RNF125: variants seen among roughly 807,000 people sequenced by gnomAD.
The protein encoded by RNF125 is ring finger protein 125.
Under a neutral mutation model 26.0 loss-of-function variants are expected in RNF125, and 21 were observed. That is an observed-to-expected ratio of 0.81 (90% CI 0.57 to 1.16). The LOEUF (loss-of-function observed/expected upper bound fraction) is 1.16. Ranked by LOEUF, RNF125 falls within the 50% of genes most tolerant of loss-of-function variation. The pLI is 0.00. For synonymous variants in RNF125, 95 were observed against 109.2 expected (o/e 0.87, Z 0.81); for missense variants, 270 against 299.4 (o/e 0.90, Z 0.72).
intron 1 of RNF125, among the ~76,000 whole-genome samples, chr18:32,030,827 C>T (rs1404372726): frequency 1.3e-5 from 2 of 152,162 alleles, no homozygotes; most frequent in Non-Finnish European, 2.9e-5. Context: ...AAGAAGTTGG[C>T]AGAGTGGGAA....
the RNF125 span, among the ~76,000 whole-genome samples, chr18:32,079,057 CT>C: frequency 7.9e-5 from 12 of 152,076 alleles, no homozygotes; most frequent in Non-Finnish European, 1.5e-5. Flanking sequence ...TGGGGAGTTC[CT>C]TGAGGGCAAA....
chr18:32,050,237 C>T (rs1233234084), intron 4 of RNF125, among the ~76,000 whole-genome samples: 1 of 152,172 alleles, frequency 6.6e-6, no homozygotes, highest in Admixed American at 6.5e-5. Context: ...TTAAAAACAT[C>T]AGGGGATTTT....
chr18:32,055,859 A>G (rs2039375746), intron 4 of RNF125, among the ~76,000 whole-genome samples: 1 of 151,478 alleles, frequency 6.6e-6, no homozygotes, highest in African/African-American at 2.4e-5. Context: ...CATGCCTGTA[A>G]TCCCAGCTTC....
In RNF125 at chr18:32,069,328, T is replaced by C. The variant is rs1044945615; in HGVS notation, c.*944T>C. 6.6e-6 allele frequency: 1 copy of C among 152,158 alleles called. No homozygotes were observed. The highest frequency in any genetic ancestry group is 1.5e-5 in the Non-Finnish European group (1 of 68,042). The allele number at this position is 152,158 out of a possible 1,614,324, so 9.4% of individuals were successfully genotyped here. A position where few individuals can be genotyped will look rare whatever the true frequency, so the allele number is the denominator to read the frequency against. ...TATAACTGCATACATAAGAATTCAA[T>C]ATTTTTCAAATATTTATAGCTTATT... On this transcript the variant is annotated 3_prime_UTR_variant, in exon 6 of 6. Transcript: ENST00000217740.
At chr18:32,074,020 T>C (rs573795021), downstream of RNF125, among the ~76,000 whole-genome samples, 189 of 152,318 alleles carry the variant, frequency 1.2e-3, 1 homozygote, top group African/African-American at 4.4e-3. Flanking sequence ...AAAATAGCCA[T>C]GTAAGAAGCC....
At chr18:32,025,057 C>T (rs371361429) in intron 1 of RNF125, among the ~76,000 whole-genome samples, 3 of 151,714 alleles carry the variant, frequency 2.0e-5, no homozygotes, top group East Asian at 3.9e-4. Context: ...GATTGAGAGT[C>T]GTTCTCAAAA....
intron 5 of RNF125, among the ~76,000 whole-genome samples, chr18:32,067,700 T>G (rs1199086448): frequency 6.6e-6 from 1 of 151,948 alleles, no homozygotes; most frequent in Non-Finnish European, 1.5e-5. Flanking sequence ...TTTGTGGGGG[T>G]TTTTTTGTTT....
chr18:32,048,066 T>G (rs1183763890), intron 4 of RNF125, among the ~76,000 whole-genome samples: 1 of 151,342 alleles, frequency 6.6e-6, no homozygotes, highest in East Asian at 1.9e-4. Context: ...AGGACGGAGG[T>G]TGAAGTGAAC....
At chr18:32,060,016 C>T (rs1462384737) in intron 4 of RNF125, among the ~76,000 whole-genome samples, 6 of 152,100 alleles carry the variant, frequency 3.9e-5, no homozygotes, top group African/African-American at 1.4e-4. Flanking sequence ...TTTCTTTGGT[C>T]CTCAATTTGG....
At chr18:32,063,515 A>G (rs2039454407) in intron 4 of RNF125, among the ~76,000 whole-genome samples, 1 of 152,232 alleles carries the variant, frequency 6.6e-6, no homozygotes, top group South Asian at 2.1e-4. Context: ...CAGTTTGGCA[A>G]TATTTTACAA....
At chr18:32,056,605 G>A (rs1306353282) in intron 4 of RNF125, among the ~76,000 whole-genome samples, 4 of 53,750 alleles carry the variant, frequency 7.4e-5, no homozygotes, top group Admixed American at 4.5e-4. Flanking sequence ...TGGGCAAAAA[G>A]AGCAAAACTC....
intron 4 of RNF125, among the ~76,000 whole-genome samples, chr18:32,061,170 A>G (rs373823431): frequency 0.031 from 4,732 of 152,018 alleles, 82 homozygotes; most frequent in African/African-American, 0.036. Context: ...GACTACAGGC[A>G]CCCGCCACCA....
chr18:32,026,990 G>A (rs139733761), intron 1 of RNF125, among the ~76,000 whole-genome samples: 1 of 152,304 alleles, frequency 6.6e-6, no homozygotes, highest in East Asian at 1.9e-4. Context: ...TTAAGACAGA[G>A]GAAAACAACA....
At chr18:32,080,854 G>A in the RNF125 span, among the ~76,000 whole-genome samples, 1 of 151,810 alleles carries the variant, frequency 6.6e-6, no homozygotes. Flanking sequence ...CTAGCCTGGG[G>A]GACTGTGCGA....
chr18:32,032,667 T>G (rs923585159), intron 1 of RNF125, among the ~76,000 whole-genome samples: 11 of 152,094 alleles, frequency 7.2e-5, no homozygotes, highest in Non-Finnish European at 1.0e-4. Context: ...GCTTCTTCAA[T>G]GGACTACCAA....
At chr18:32,042,108 G>A in intron 2 of RNF125, 71 bp from the exon 3 acceptor site, 1 of 1,070,684 alleles carries the variant, frequency 9.3e-7, no homozygotes, top group Non-Finnish European at 1.4e-6. Context: ...AAAGTTAAAA[G>A]GCTGGATCGC....
intron 1 of RNF125, among the ~76,000 whole-genome samples, chr18:32,034,916 A>T (rs1028137751): frequency 6.6e-5 from 10 of 151,838 alleles, no homozygotes; most frequent in African/African-American, 2.2e-4. Flanking sequence ...AAAAAAAAAA[A>T]AATTACCATA....
chr18:32,080,592 G>C, the RNF125 span, among the ~76,000 whole-genome samples: 1 of 152,190 alleles, frequency 6.6e-6, no homozygotes, highest in Non-Finnish European at 1.5e-5. Context: ...AGTAGAAAAG[G>C]GGAGTTGTTG....
chr18:32,041,712 G>A (rs1462877517), intron 2 of RNF125: 4 of 117,060 alleles, frequency 3.4e-5, no homozygotes, highest in African/African-American at 6.7e-5. Flanking sequence ...CTCACTGCAA[G>A]CTCCGCCTCC....
Sources: gnomAD v4.1 joint callset for allele counts (sites outside exome capture counted in the v4.1 genomes callset) on GRCh38, gnomAD v4.1.1 for gene constraint, MANE v1.5 for transcripts, NCBI Gene and HGNC (gene_info 2026-07-23, HGNC 2026-07-21) for gene names.